PUM1: variants seen among roughly 807,000 people sequenced by gnomAD.
PUM1 encodes the protein pumilio RNA binding family member 1, also known as pumilio homolog 1.
Under a neutral mutation model 131.8 loss-of-function variants are expected in PUM1, and 13 were observed. The observed-to-expected ratio is 0.10, with a 90% CI of 0.06 to 0.16. The LOEUF is 0.16. Among genes scored for constraint, PUM1 ranks in the 10% least tolerant of loss-of-function variants. PUM1 has a pLI of 1.00. For missense variants in PUM1, 961 were observed against 1,512.4 expected, an observed-to-expected ratio of 0.64 and a Z score of 6.05; for synonymous variants, 509 against 556.5, an observed-to-expected ratio of 0.91 and a Z score of 1.20.
chr1:31,041,079 A>G (rs891345818), intron 2 of PUM1, among the ~76,000 whole-genome samples: 1 of 152,194 alleles, frequency 6.6e-6, no homozygotes, highest in Non-Finnish European at 1.5e-5. Flanking sequence ...TTGTCGGCAG[A>G]AACAGGAGGC....
chr1:31,007,381 T>C (rs536024479), intron 3 of PUM1, among the ~76,000 whole-genome samples: 3 of 152,268 alleles, frequency 2.0e-5, no homozygotes, highest in Non-Finnish European at 4.4e-5. Context: ...GCTTAACCCA[T>C]GCCAAGATTT....
chr1:31,062,296 G>T (rs747103406), intron 1 of PUM1, among the ~76,000 whole-genome samples: 2 of 152,118 alleles, frequency 1.3e-5, no homozygotes, highest in Non-Finnish European at 2.9e-5. Flanking sequence ...ACTTAAGATA[G>T]AACACTTGCC....
chr1:30,932,299 G>A lies in PUM1; in HGVS notation c.*912C>T, dbSNP rs552229491. The A allele has an allele frequency of 1.3e-5, 2 of 152,658 alleles. No homozygotes were observed. The highest frequency in any genetic ancestry group is 6.5e-5 in the Admixed American group (1 of 15,278). 9.5% of individuals were successfully genotyped at this position (152,658 alleles called of 1,614,324 possible). A position where few individuals can be genotyped will look rare whatever the true frequency, so the allele number is the denominator to read the frequency against. ...ACTACTAGGGTACATTATAGATACA[G>A]ATTAGACATCAAAACAAGAAAATAC... On this transcript the variant is annotated 3_prime_UTR_variant, in exon 22 of 22. Transcript: ENST00000426105.
intron 2 of PUM1, among the ~76,000 whole-genome samples, chr1:31,029,740 C>T (rs181389132): frequency 2.4e-3 from 367 of 152,086 alleles, no homozygotes; most frequent in Admixed American, 5.6e-3. Flanking sequence ...GGGAACATGG[C>T]AAAATTCCCC....
intron 2 of PUM1, among the ~76,000 whole-genome samples, chr1:31,045,953 A>C (rs547576312): frequency 6.6e-6 from 1 of 152,262 alleles, no homozygotes; most frequent in East Asian, 1.9e-4. Flanking sequence ...GTGGTGGTGC[A>C]TGCTTGTAAT....
chr1:30,992,888 T>C (rs1416566627), intron 6 of PUM1, among the ~76,000 whole-genome samples: 1 of 152,218 alleles, frequency 6.6e-6, no homozygotes, highest in African/African-American at 2.4e-5. Context: ...TTCACATTAA[T>C]TGCTATTAAT....
chr1:30,993,056 T>C (rs1641851283), intron 6 of PUM1, among the ~76,000 whole-genome samples: 1 of 152,164 alleles, frequency 6.6e-6, no homozygotes, highest in East Asian at 1.9e-4. Context: ...AAAAAGTTGG[T>C]TTCTGGGGGA....
chr1:31,046,067 G>GT lies in PUM1; in HGVS notation c.363+13136dup, dbSNP rs548654611. On this transcript the variant is annotated intron_variant, in intron 2 of 21. Transcript: ENST00000426105. ...ACTACACTCCAGCCTGGGCAACAGC[G>GT]TAAGACTCTGTCTCAAAATAATTTA... Among the ~76,000 whole-genome samples, 1,021 of 141,454 alleles carry GT rather than the reference G, an allele frequency of 7.2e-3. 7 individuals carry two copies. The highest frequency in any genetic ancestry group is 0.011 in the Non-Finnish European group (728 of 65,162). The allele number at this position is 141,454 out of a possible 152,430, so 92.8% of individuals were successfully genotyped here.
At chr1:30,957,765 C>T (rs756851470) in intron 14 of PUM1, among the ~76,000 whole-genome samples, 1 of 152,200 alleles carries the variant, frequency 6.6e-6, no homozygotes, top group Non-Finnish European at 1.5e-5. Flanking sequence ...CAAAGCCCTG[C>T]CTTCCCACTT....
chr1:30,933,414 T>A (rs1639038675), intron 21 of PUM1, 72 bp from the exon 22 acceptor site: 40 of 1,354,928 alleles, frequency 3.0e-5, no homozygotes, highest in South Asian at 1.3e-4. Context: ...GGACATGCAT[T>A]TGCATGTCAT....
chr1:31,060,156 C>CTATGTGATAG (rs1557611322), intron 1 of PUM1, among the ~76,000 whole-genome samples: 3 of 149,972 alleles, frequency 2.0e-5, no homozygotes, highest in African/African-American at 7.3e-5. Flanking sequence ...CCCCAAAAGC[C>CTATGTGATAG]TTTTTAAAAC....
At chr1:30,939,110 C>G (rs1183226612) in intron 20 of PUM1, among the ~76,000 whole-genome samples, 2 of 152,076 alleles carry the variant, frequency 1.3e-5, no homozygotes, top group Non-Finnish European at 2.9e-5. Context: ...TTTAGACTAC[C>G]CACTGATTTT....
At chr1:30,999,910 G>C (rs1373833854) in intron 5 of PUM1, among the ~76,000 whole-genome samples, 9 of 152,184 alleles carry the variant, frequency 5.9e-5, no homozygotes, top group African/African-American at 1.9e-4. Flanking sequence ...CCAATTAAGT[G>C]GTTTAAATCT....
chr1:31,046,489 GTTTTTTTTTTTTGTTTTTTTGGTT>G (rs1212302154), intron 2 of PUM1, among the ~76,000 whole-genome samples: 3,619 of 136,616 alleles, frequency 0.026, 163 homozygotes, highest in African/African-American at 0.087. Flanking sequence ...GGGTTTTTGG[GTTTTTTTTTTTTGTTTTTTTGGTT>G]TTTTTTTTTT....
chr1:30,952,869 G>A (rs956579062), intron 15 of PUM1, among the ~76,000 whole-genome samples: 2 of 151,846 alleles, frequency 1.3e-5, no homozygotes, highest in Non-Finnish European at 2.9e-5. Flanking sequence ...TCAGCTACTC[G>A]GGAGGCTGAA....
chr1:30,958,889 C>A (rs865893647), intron 14 of PUM1, among the ~76,000 whole-genome samples: 4 of 152,100 alleles, frequency 2.6e-5, no homozygotes, highest in Non-Finnish European at 5.9e-5. Context: ...CTGCCTTGTT[C>A]AGGGTCACAA....
chr1:30,945,221 G>A, intron 18 of PUM1, 125 bp downstream of exon 18: 1 of 1,091,826 alleles, frequency 9.2e-7, no homozygotes. Flanking sequence ...GCAACAGAGT[G>A]GGATCCAGTC....
intron 20 of PUM1, among the ~76,000 whole-genome samples, chr1:30,938,904 TAGACAGACAGACAGACAGAC>T (rs59153241): frequency 9.9e-5 from 7 of 70,834 alleles, no homozygotes; most frequent in African/African-American, 2.0e-4. Flanking sequence ...GATAGATAGA[TAGACAGACAGACAGACAGAC>T]AGACAGACAG....
At chr1:31,051,064 T>C (rs1644096872) in intron 2 of PUM1, 1 of 152,414 alleles carries the variant, frequency 6.6e-6, no homozygotes, top group African/African-American at 2.4e-5. Flanking sequence ...GAAGTGATCT[T>C]CCTTGAATGG....
Sources: gnomAD v4.1 joint callset for allele counts (sites outside exome capture counted in the v4.1 genomes callset) on GRCh38, gnomAD v4.1.1 for gene constraint, MANE v1.5 for transcripts, NCBI Gene and HGNC (gene_info 2026-07-23, HGNC 2026-07-21) for gene names.